The following MARCHF10 variants were observed in gnomAD, a reference collection of about 807,000 sequenced individuals.
The protein encoded by MARCHF10 is membrane associated ring-CH-type finger 10, also known as probable E3 ubiquitin-protein ligase MARCHF10.
MARCHF10 carries 64 observed loss-of-function variants against 76.2 expected under a neutral mutation model. The ratio of observed to expected loss-of-function variants is 0.84; its 90% CI spans 0.69 to 1.03. The LOEUF is 1.03. MARCHF10 is among the 50% of genes least tolerant of loss of function. MARCHF10 has a pLI of 0.00. For synonymous variants in MARCHF10, 340 were observed against 357.5 expected (o/e 0.95, Z 0.55); for missense variants, 875 against 958.0 (o/e 0.91, Z 1.14).
chr17:62,777,065 C>G (rs529768379), intron 3 of MARCHF10, among the ~76,000 whole-genome samples: 1 of 152,320 alleles, frequency 6.6e-6, no homozygotes, highest in East Asian at 1.9e-4. Context: ...TCATTTCAAG[C>G]CAGGTCATGG....
intron 5 of MARCHF10, among the ~76,000 whole-genome samples, chr17:62,743,220 G>T (rs950819876): frequency 6.6e-6 from 1 of 152,160 alleles, no homozygotes; most frequent in African/African-American, 2.4e-5. Flanking sequence ...GCCCTTCCCG[G>T]CAGAAGGCAT....
intron 6 of MARCHF10, among the ~76,000 whole-genome samples, chr17:62,728,797 T>A (rs2090879985): frequency 1.3e-5 from 2 of 151,952 alleles, no homozygotes. Context: ...AGATCAGCCA[T>A]GAGCTTTAAT....
chr17:62,793,445 CCACCAT>C (rs1410778598), intron 2 of MARCHF10, among the ~76,000 whole-genome samples: 30 of 132,652 alleles, frequency 2.3e-4, no homozygotes, highest in Non-Finnish European at 3.2e-4. Context: ...ACAACCATCA[CCACCAT>C]CACCACCACC....
intron 3 of MARCHF10, among the ~76,000 whole-genome samples, chr17:62,780,332 T>C (rs2092634989): frequency 6.6e-6 from 1 of 152,252 alleles, no homozygotes; most frequent in African/African-American, 2.4e-5. Context: ...TTTTAAGCCA[T>C]TGCAGGCTAC....
chr17:62,807,372 G>C (rs924768508), intron 1 of MARCHF10, among the ~76,000 whole-genome samples: 1 of 152,112 alleles, frequency 6.6e-6, no homozygotes, highest in Non-Finnish European at 1.5e-5. Flanking sequence ...TTGGGGGCGG[G>C]GTGGAGGGTG....
At chr17:62,728,263 C>T (rs768505440) in intron 6 of MARCHF10, among the ~76,000 whole-genome samples, 11 of 152,084 alleles carry the variant, frequency 7.2e-5, no homozygotes, top group Non-Finnish European at 8.8e-5. Context: ...TTGGCCTCAA[C>T]CAATCCTGCC....
In MARCHF10 at chr17:62,711,440, C is replaced by T. The variant is rs1389743466; in HGVS notation, c.2215-96G>A. The T allele has an allele frequency of 1.7e-6, 2 of 1,168,386 alleles. No homozygotes were observed. Among genetic ancestry groups the T allele is most frequent in the East Asian group, 5.1e-5 (2 of 39,394 alleles). 72.4% of individuals were successfully genotyped at this position (1,168,386 alleles called of 1,614,324 possible). A position where few individuals can be genotyped will look rare whatever the true frequency, so the allele number is the denominator to read the frequency against. On this transcript the variant is annotated intron_variant, in intron 8 of 10. Transcript: ENST00000311269. The surrounding 1 kb of genome is among the most constrained non-coding windows in gnomAD (Gnocchi z 4.4). The stretch of plus-strand genomic sequence containing the variant: ...TAACAAGGCTAAGAGGTGACAAGAA[C>T]TGGGAGAAGAGCCCAAGCTCCAAGG...
At position 62,718,046 on chromosome 17, in the gene MARCHF10, G is replaced by A. The variant is rs561729279; in HGVS notation, c.2214+4442C>T. On this transcript the variant is annotated intron_variant, in intron 8 of 10. Coordinates refer to ENST00000311269, the MANE Select transcript of MARCHF10 (RefSeq NM_152598.4). ...CCCCTGAGTGCCAAGTCAGTCGAGC[G>A]TCTCTGTGGCTGTAATCTGACAGTT... Among the ~76,000 whole-genome samples, 8 of 152,316 alleles carry A rather than the reference G, an allele frequency of 5.3e-5. No homozygotes were observed. In the East Asian group the frequency reaches 1.5e-3, roughly 29 times the overall value.
At chr17:62,709,405 G>A (rs2089787346) in intron 9 of MARCHF10, among the ~76,000 whole-genome samples, 1 of 152,166 alleles carries the variant, frequency 6.6e-6, no homozygotes, top group African/African-American at 2.4e-5. Context: ...AACCCGGGAG[G>A]CAGAGGTTGC....
At chr17:62,730,019 T>A (rs1260905315) in intron 6 of MARCHF10, among the ~76,000 whole-genome samples, 1 of 152,160 alleles carries the variant, frequency 6.6e-6, no homozygotes, top group Non-Finnish European at 1.5e-5. Context: ...CCGTCTCTAC[T>A]AAAAATGCAA....
At chr17:62,776,038 T>C (rs775191639) in intron 3 of MARCHF10, among the ~76,000 whole-genome samples, 3 of 152,154 alleles carry the variant, frequency 2.0e-5, no homozygotes, top group Admixed American at 6.5e-5. Context: ...GCTCAAGTGA[T>C]CTTCCCAACT....
At chr17:62,710,504 GAA>G (rs35384965) in intron 9 of MARCHF10, among the ~76,000 whole-genome samples, 3 of 121,156 alleles carry the variant, frequency 2.5e-5, no homozygotes, top group Non-Finnish European at 3.4e-5. Context: ...ATGTGAGCCA[GAA>G]AAAAAAAAAT....
At chr17:62,719,297 T>C (rs1032552942) in intron 8 of MARCHF10, among the ~76,000 whole-genome samples, 1 of 152,240 alleles carries the variant, frequency 6.6e-6, no homozygotes, top group African/African-American at 2.4e-5. Context: ...TGATCATTTC[T>C]GTATGTAATT....
chr17:62,807,259 T>C (rs1477678099), intron 1 of MARCHF10, among the ~76,000 whole-genome samples: 2 of 152,134 alleles, frequency 1.3e-5, no homozygotes, highest in Admixed American at 6.6e-5. Flanking sequence ...AAGTTTACGA[T>C]TTGGGCCCAA....
At chr17:62,739,211 A>C (rs1292636693) in intron 5 of MARCHF10, among the ~76,000 whole-genome samples, 2 of 152,112 alleles carry the variant, frequency 1.3e-5, no homozygotes, top group African/African-American at 2.4e-5. Flanking sequence ...AGGCAGGAGA[A>C]TCGCTTGAAC....
intron 3 of MARCHF10, among the ~76,000 whole-genome samples, chr17:62,773,637 C>T (rs2092489131): frequency 6.6e-6 from 1 of 152,122 alleles, no homozygotes; most frequent in Non-Finnish European, 1.5e-5. Flanking sequence ...GAGACCCAGG[C>T]TCACGGGATC....
intron 2 of MARCHF10, among the ~76,000 whole-genome samples, chr17:62,792,856 C>A (rs2092886280): frequency 6.8e-6 from 1 of 146,056 alleles, no homozygotes; most frequent in Admixed American, 6.8e-5. Flanking sequence ...ACCACCACCA[C>A]AACCATCACC....
At chr17:62,741,886 G>C (rs1190216558) in intron 5 of MARCHF10, among the ~76,000 whole-genome samples, 4 of 151,916 alleles carry the variant, frequency 2.6e-5, no homozygotes, top group Non-Finnish European at 5.9e-5. Flanking sequence ...TTTTAGTAGA[G>C]ATGGGGTTTC....
intron 2 of MARCHF10, among the ~76,000 whole-genome samples, chr17:62,789,892 C>T (rs1160828867): frequency 6.6e-6 from 1 of 152,078 alleles, no homozygotes; most frequent in Non-Finnish European, 1.5e-5. Flanking sequence ...CAAGATAGTG[C>T]CACTGCATTC....
Sources: allele counts gnomAD v4.1 joint callset (sites outside exome capture counted in the v4.1 genomes callset), GRCh38; gene constraint gnomAD v4.1.1; non-coding constraint Gnocchi (gnomAD v3.1); transcripts MANE v1.5; gene names NCBI Gene and HGNC (gene_info 2026-07-23, HGNC 2026-07-21).